Variants in STXBP6 observed in about 807,000 individuals in gnomAD.
STXBP6 encodes syntaxin binding protein 6.
Under a neutral mutation model 26.9 loss-of-function variants are expected in STXBP6, and 21 were observed. The ratio of observed to expected loss-of-function variants is 0.78; its 90% CI spans 0.55 to 1.12. STXBP6 has a LOEUF of 1.12. STXBP6 is among the 50% of genes most tolerant of loss of function. The probability of loss-of-function intolerance (pLI) is 0.00; values close to 1 mark genes in which losing one functional copy is unlikely to be tolerated. For synonymous variants in STXBP6, 97 were observed against 92.6 expected (o/e 1.05, Z -0.27); for missense variants, 232 against 257.9 (o/e 0.90, Z 0.69).
chr14:24,964,517 T>G (rs375420056), intron 2 of STXBP6, among the ~76,000 whole-genome samples: 8 of 152,334 alleles, frequency 5.3e-5, no homozygotes, highest in African/African-American at 1.9e-4. Context: ...GCTGAGTACC[T>G]TCTATGTATC....
intron 2 of STXBP6, among the ~76,000 whole-genome samples, chr14:24,942,282 T>C (rs2072830734): frequency 6.6e-6 from 1 of 152,176 alleles, no homozygotes; most frequent in Non-Finnish European, 1.5e-5. Flanking sequence ...AATGGTGCTG[T>C]CTGAGCCTCA....
intron 2 of STXBP6, among the ~76,000 whole-genome samples, chr14:24,893,672 C>A (rs2070873005): frequency 6.6e-6 from 1 of 152,188 alleles, no homozygotes; most frequent in African/African-American, 2.4e-5. Context: ...AAAATTAGGG[C>A]TACAGGGATA....
chr14:24,881,818 C>A (rs1252039411), intron 2 of STXBP6, among the ~76,000 whole-genome samples: 1 of 152,186 alleles, frequency 6.6e-6, no homozygotes, highest in African/African-American at 2.4e-5. Flanking sequence ...TACAGAGCAA[C>A]TGTGTGTACA....
chr14:24,947,468 T>C (rs1566500669), intron 2 of STXBP6, among the ~76,000 whole-genome samples: 1 of 152,220 alleles, frequency 6.6e-6, no homozygotes, highest in Admixed American at 6.5e-5. Flanking sequence ...TTCTTAAGAA[T>C]GACGCGCAAA....
At chr14:24,830,343 T>A (rs557713490) in intron 4 of STXBP6, among the ~76,000 whole-genome samples, 1 of 152,248 alleles carries the variant, frequency 6.6e-6, no homozygotes, top group East Asian at 1.9e-4. Context: ...TAAGAAGCTA[T>A]TGCAGTAATT....
chr14:24,899,601 C>T lies in STXBP6; in HGVS notation c.155-42444G>A, dbSNP rs150224783. On this transcript the variant is annotated intron_variant, in intron 2 of 5. Coordinates refer to ENST00000323944, the MANE Select transcript of STXBP6 (RefSeq NM_001394410.1). ...TTCAAGACCAGCCTGGCCAACATGACGAAACCCCATCTCTACTAAAAATAC... is the reference window on the plus strand; with the variant it reads ...TTCAAGACCAGCCTGGCCAACATGATGAAACCCCATCTCTACTAAAAATAC... 2.1e-4 allele frequency among the ~76,000 whole-genome samples: 32 copies of T among 151,512 alleles called. No individual in the cohort carries two copies. The East Asian group carries it at 3.7e-3, about 18-fold the overall frequency.
intron 2 of STXBP6, among the ~76,000 whole-genome samples, chr14:24,941,458 T>C (rs2072800697): frequency 6.6e-6 from 1 of 152,180 alleles, no homozygotes; most frequent in Non-Finnish European, 1.5e-5. Context: ...GATGGAAGAA[T>C]ATGAAGGTTC....
At chr14:24,978,248 G>C (rs529909373) in intron 1 of STXBP6, among the ~76,000 whole-genome samples, 110 of 152,170 alleles carry the variant, frequency 7.2e-4, no homozygotes, top group Non-Finnish European at 1.1e-3. Flanking sequence ...TTAGAATCCT[G>C]GGATCTGTAT....
chr14:24,886,504 T>C (rs1321306650), intron 2 of STXBP6, among the ~76,000 whole-genome samples: 1 of 152,206 alleles, frequency 6.6e-6, no homozygotes, highest in East Asian at 1.9e-4. Context: ...ATAATAACCA[T>C]CTCTGAGAAA....
At position 24,819,016 on chromosome 14, in the gene STXBP6, C is replaced by A. The variant is rs116665146; in HGVS notation, c.609+21G>T. The A allele has an allele frequency of 2.7e-4, 425 of 1,553,816 alleles. 2 individuals carry two copies. In the African/African-American group the frequency reaches 5.1e-3, roughly 19 times the overall value. On this transcript the variant is annotated intron_variant, in intron 5 of 5. Coordinates refer to ENST00000323944, the MANE Select transcript of STXBP6 (RefSeq NM_001394410.1). ...TCCCCAACACCCCAGAGCTGAGAAG[C>A]CTGCTCCTCTCTTGGCCCACCTTGT...
intron 4 of STXBP6, among the ~76,000 whole-genome samples, chr14:24,853,467 G>A (rs2069225877): frequency 6.6e-6 from 1 of 152,062 alleles, no homozygotes; most frequent in South Asian, 2.1e-4. Context: ...TAGTAATCCA[G>A]GACTTGTCAA....
At chr14:24,873,946 A>C (rs956174154) in intron 2 of STXBP6, among the ~76,000 whole-genome samples, 1 of 152,200 alleles carries the variant, frequency 6.6e-6, no homozygotes, top group African/African-American at 2.4e-5. Context: ...TTGGATAGAC[A>C]GATGCCTTCT....
chr14:24,910,636 G>A (rs1420967958), intron 2 of STXBP6, among the ~76,000 whole-genome samples: 1 of 152,190 alleles, frequency 6.6e-6, no homozygotes, highest in African/African-American at 2.4e-5. Context: ...TAGCCTAGCA[G>A]GTCACAGGAC....
At chr14:25,002,462 C>T (rs574585595) in intron 1 of STXBP6, among the ~76,000 whole-genome samples, 1 of 150,006 alleles carries the variant, frequency 6.7e-6, no homozygotes, top group Non-Finnish European at 1.5e-5. Flanking sequence ...TGGGTTCAAG[C>T]GATTCTCTTG....
intron 1 of STXBP6, among the ~76,000 whole-genome samples, chr14:25,005,008 C>T (rs1028431777): frequency 6.6e-6 from 1 of 152,172 alleles, no homozygotes; most frequent in Non-Finnish European, 1.5e-5. Flanking sequence ...CTCTCACTTA[C>T]CACACAGTCA....
intron 2 of STXBP6, among the ~76,000 whole-genome samples, chr14:24,963,215 T>C (rs1198536059): frequency 6.6e-6 from 1 of 152,138 alleles, no homozygotes; most frequent in Non-Finnish European, 1.5e-5. Context: ...GTCCACAAGA[T>C]AGAAAGGATT....
intron 1 of STXBP6, among the ~76,000 whole-genome samples, chr14:24,984,142 G>C (rs924506909): frequency 2.0e-5 from 3 of 152,188 alleles, no homozygotes; most frequent in Admixed American, 6.5e-5. Context: ...TGAGGCAGGA[G>C]AATCACTTGA....
rs749997392 is a variant in STXBP6 at position 24,856,112 on chromosome 14, C to T, written c.286-11G>A. 1 of 1,583,438 alleles carries T rather than the reference C, an allele frequency of 6.3e-7. No homozygotes were observed. Among genetic ancestry groups the T allele is most frequent in the South Asian group, 1.2e-5 (1 of 85,296 alleles). ...AAACTCTGCCGAATCCTGGAAAAGA[C>T]AATGAAATAACTACTAATCTCAATC... On this transcript the variant is annotated splice_polypyrimidine_tract_variant and intron_variant, in intron 3 of 5. Coordinates refer to ENST00000323944, the MANE Select transcript of STXBP6 (RefSeq NM_001394410.1).
chr14:25,001,701 A>G (rs950449084), intron 1 of STXBP6, among the ~76,000 whole-genome samples: 2 of 152,166 alleles, frequency 1.3e-5, no homozygotes, highest in African/African-American at 2.4e-5. Context: ...TAATTCCAAC[A>G]TCTGTTTCAA....
Sources: allele counts gnomAD v4.1 joint callset (sites outside exome capture counted in the v4.1 genomes callset), GRCh38; gene constraint gnomAD v4.1.1; transcripts MANE v1.5; gene names NCBI Gene and HGNC (gene_info 2026-07-23, HGNC 2026-07-21).